The following ACTR6 variants were observed in gnomAD, a reference collection of about 807,000 sequenced individuals.
ACTR6 encodes actin-related protein 6.
A neutral mutation model predicts 52.5 loss-of-function variants in ACTR6; 50 were observed. The ratio of observed to expected loss-of-function variants is 0.95; its 90% CI spans 0.76 to 1.20. The LOEUF is 1.20. Among genes scored for constraint, ACTR6 ranks in the 50% most tolerant of loss-of-function variants. ACTR6 has a pLI of 0.00. For synonymous variants in ACTR6, 135 were observed against 147.2 expected (o/e 0.92, Z 0.60); for missense variants, 344 against 472.4 (o/e 0.73, Z 2.52).
chr12:100,222,657 T>G (rs970007497), intron 10 of ACTR6, among the ~76,000 whole-genome samples: 9 of 152,192 alleles, frequency 5.9e-5, no homozygotes, highest in Non-Finnish European at 8.8e-5. Context: ...TGCCTGAGCC[T>G]CCTAAGTAGC....
chr12:100,201,002 A>C, intron 1 of ACTR6, 83 bp downstream of exon 1: 1 of 1,606,542 alleles, frequency 6.2e-7, no homozygotes, highest in Non-Finnish European at 8.5e-7. Context: ...ACATCAATGA[A>C]CTGCAGACAC....
chr12:100,216,058 G>A (rs536153457), intron 8 of ACTR6, among the ~76,000 whole-genome samples: 31 of 152,230 alleles, frequency 2.0e-4, no homozygotes, highest in Admixed American at 3.9e-4. Context: ...TAATGAATTC[G>A]ACTGACCTAA....
chr12:100,209,586 A>G (rs947542804), intron 4 of ACTR6, among the ~76,000 whole-genome samples: 1 of 152,186 alleles, frequency 6.6e-6, no homozygotes, highest in African/African-American at 2.4e-5. Context: ...TCCAACCCCC[A>G]ATGTCAATAG....
chr12:100,210,056 T>A lies in ACTR6; in HGVS notation c.380-17T>A, dbSNP rs2096118548. ...AGTGTTATATTTTTGTTCACTTTTT[T>A]ATCTTTTTTTAAATAGCTGGGGCTC... On this transcript the variant is annotated splice_polypyrimidine_tract_variant and intron_variant, in intron 4 of 10. Transcript: ENST00000188312. 2 of 1,561,728 alleles carry A rather than the reference T, an allele frequency of 1.3e-6. No individual in the cohort carries two copies. The highest frequency in any genetic ancestry group is 1.7e-6 in the Non-Finnish European group (2 of 1,162,042).
At chr12:100,221,353 TCA>T (rs1158764586) in intron 10 of ACTR6, among the ~76,000 whole-genome samples, 1 of 152,178 alleles carries the variant, frequency 6.6e-6, no homozygotes, top group Non-Finnish European at 1.5e-5. Context: ...CTCATTGGTA[TCA>T]CTTTCTTTTA....
intron 2 of ACTR6, 65 bp downstream of exon 2, chr12:100,205,122 G>A: frequency 3.3e-6 from 3 of 900,466 alleles, no homozygotes; most frequent in Non-Finnish European, 3.2e-6. Flanking sequence ...AATTTTAATT[G>A]TATATAAAAG....
chr12:100,207,822 A>G, intron 4 of ACTR6, 36 bp downstream of exon 4: 1 of 1,575,890 alleles, frequency 6.3e-7, no homozygotes, highest in Non-Finnish European at 8.7e-7. Context: ...GAGTTATATG[A>G]CTATGGATAT....
intron 4 of ACTR6, 105 bp downstream of exon 4, chr12:100,207,891 T>C (rs1257741888): frequency 5.5e-6 from 7 of 1,282,428 alleles, no homozygotes; most frequent in Non-Finnish European, 7.7e-6. Flanking sequence ...GCTAGCACAG[T>C]GGCTAACACC....
rs765997682 is a variant in ACTR6 at position 100,220,147 on chromosome 12, G to C, written c.1061+1G>C. ...ATGTTTCTGTTGTGCTGCCTGAAAA[G>C]TAAGTGTTGTTTTATATAGAAACGA... On this transcript the variant is annotated splice_donor_variant, in intron 10 of 10. Coordinates refer to ENST00000188312, the MANE Select transcript of ACTR6 (RefSeq NM_022496.5). LOFTEE classifies it high-confidence loss of function. The C allele has an allele frequency of 2.5e-6, 4 of 1,610,886 alleles. No homozygotes were observed. Among genetic ancestry groups the C allele is most frequent in the Non-Finnish European group, 3.4e-6 (4 of 1,178,160 alleles).
chr12:100,220,374 A>G (rs965297495), intron 10 of ACTR6, among the ~76,000 whole-genome samples: 1 of 152,210 alleles, frequency 6.6e-6, no homozygotes, highest in African/African-American at 2.4e-5. Context: ...ATGGGTGCTT[A>G]ATTAAGTATA....
intron 10 of ACTR6, among the ~76,000 whole-genome samples, chr12:100,223,157 G>C (rs528596036): frequency 6.6e-6 from 1 of 151,918 alleles, no homozygotes; most frequent in African/African-American, 2.4e-5. Context: ...GGCCAACATG[G>C]TGAAACCCCA....
chr12:100,216,474 T>C (rs540392657), intron 8 of ACTR6, among the ~76,000 whole-genome samples: 1 of 152,388 alleles, frequency 6.6e-6, no homozygotes, highest in Non-Finnish European at 1.5e-5. Flanking sequence ...TCCAGATTAC[T>C]TGTTAATGGT....
intron 3 of ACTR6, 51 bp from the exon 4 acceptor site, chr12:100,207,612 G>A (rs765308698): frequency 7.4e-7 from 1 of 1,358,552 alleles, no homozygotes; most frequent in African/African-American, 1.5e-5. Flanking sequence ...TAAAACAAGT[G>A]TTAATTATCA....
chr12:100,210,993 G>A (rs2096119438), intron 6 of ACTR6, among the ~76,000 whole-genome samples: 1 of 151,402 alleles, frequency 6.6e-6, no homozygotes, highest in Non-Finnish European at 1.5e-5. Flanking sequence ...GTTTCTTTTT[G>A]TTTGTTTTCT....
Position 100,200,827 on chromosome 12 carries a change from C to A in ACTR6, c.-25C>A, listed in dbSNP as rs146580832. ...AGGGGTCGGAAAGGGAAAACAACTACGGCTGCGGTGTGGTTGGTGGTGAGA... is the reference window on the plus strand; with the variant it reads ...AGGGGTCGGAAAGGGAAAACAACTAAGGCTGCGGTGTGGTTGGTGGTGAGA... On this transcript the variant is annotated 5_prime_UTR_variant, in exon 1 of 11. Coordinates refer to ENST00000188312, the MANE Select transcript of ACTR6 (RefSeq NM_022496.5). 3.1e-4 allele frequency: 508 copies of A among 1,613,292 alleles called. 2 individuals are homozygous for A. The African/African-American group carries it at 6.0e-3, about 19-fold the overall frequency.
chr12:100,210,907 CCTGA>C lies in ACTR6; in HGVS notation c.572+560_572+563del, dbSNP rs1296488883. On this transcript the variant is annotated intron_variant, in intron 6 of 10. Transcript: ENST00000188312. ...GTGCCCTACTCCTTTGTATTTGCTC[CCTGA>C]CTGTGTCGCTGACCCCTGGCAACTA... Among the ~76,000 whole-genome samples the C allele has an allele frequency of 5.9e-5, 9 of 152,116 alleles. No homozygotes were observed. In the South Asian group the frequency reaches 8.3e-4, roughly 14 times the overall value.
Position 100,220,105 on chromosome 12 carries a change from T to C in ACTR6, c.1020T>C (p.Leu340=). 1.2e-6 allele frequency: 2 copies of C among 1,614,046 alleles called. No homozygotes were observed. The highest frequency in any genetic ancestry group is 1.1e-5 in the South Asian group (1 of 91,072). ...RDRVYSEVRC[L]TPTDYDVSVV... ...GGGTTTACTCAGAAGTTCGATGTCTTACTCCAACAGATTATGATGTTTCTG... is the reference window on the plus strand; with the variant it reads ...GGGTTTACTCAGAAGTTCGATGTCTCACTCCAACAGATTATGATGTTTCTG... Residue 340 remains leucine (L), a synonymous_variant, in exon 10 of 11, where the codon CTT becomes CTC. Coordinates refer to ENST00000188312, the MANE Select transcript of ACTR6 (RefSeq NM_022496.5).
intron 10 of ACTR6, among the ~76,000 whole-genome samples, chr12:100,222,752 A>G (rs2096129311): frequency 1.3e-5 from 2 of 152,202 alleles, no homozygotes; most frequent in Admixed American, 1.3e-4. Context: ...TTGAAACTCT[A>G]AACTGGGGAA....
intron 1 of ACTR6, 98 bp from the exon 2 acceptor site, chr12:100,204,842 G>A: frequency 4.0e-6 from 3 of 750,334 alleles, no homozygotes; most frequent in Non-Finnish European, 6.9e-6. Flanking sequence ...ACCAATCTTA[G>A]GATACGCTAA....
Sources: allele counts gnomAD v4.1 joint callset (sites outside exome capture counted in the v4.1 genomes callset), GRCh38; gene constraint gnomAD v4.1.1; transcripts MANE v1.5; gene names NCBI Gene and HGNC (gene_info 2026-07-23, HGNC 2026-07-21).